The following WDHD1 variants were observed in gnomAD, a reference collection of about 807,000 sequenced individuals.
The protein encoded by WDHD1 is WD repeat and HMG-box DNA binding protein 1.
WDHD1 carries 111 observed loss-of-function variants against 135.4 expected under a neutral mutation model. That is an observed-to-expected ratio of 0.82 (90% CI 0.70 to 0.96). The LOEUF is 0.96. Among genes scored for constraint, WDHD1 ranks in the 40% least tolerant of loss-of-function variants. The probability of loss-of-function intolerance (pLI) is 0.00; values close to 1 mark genes in which losing one functional copy is unlikely to be tolerated. For missense variants in WDHD1, 1,351 were observed against 1,336.3 expected, an observed-to-expected ratio of 1.01 and a Z score of -0.17; for synonymous variants, 434 against 439.0, an observed-to-expected ratio of 0.99 and a Z score of 0.14.
rs199859365 is a variant in WDHD1, at chr14:54,963,047, T to C, written c.2436A>G (p.Leu812=). The C allele has an allele frequency of 1.2e-6, 2 of 1,614,070 alleles. No individual in the cohort carries two copies. Among genetic ancestry groups the C allele is most frequent in the Admixed American group, 3.3e-5 (2 of 60,002 alleles). The part of the protein sequence containing the change: ...RSRKLILAQK[L]SELAVEKAAE... The stretch of plus-strand genomic sequence containing the variant: ...CTGCCTTCTCTACAGCCAGTTCACT[T>C]AGTTTTTGAGCCAGTATTAATTTCC... The change falls in exon 19 of 26, where the codon CTA becomes CTG. Residue 812 remains leucine, a synonymous_variant. Coordinates refer to ENST00000360586, the MANE Select transcript of WDHD1 (RefSeq NM_007086.4).
chr14:54,990,528 G>A (rs909232093), intron 12 of WDHD1, among the ~76,000 whole-genome samples: 8 of 151,564 alleles, frequency 5.3e-5, no homozygotes, highest in African/African-American at 7.3e-5. Flanking sequence ...CCTGGGAGGC[G>A]GAGCTTGCAG....
At chr14:55,026,155 A>G (rs1270446928) in intron 2 of WDHD1, among the ~76,000 whole-genome samples, 2 of 152,134 alleles carry the variant, frequency 1.3e-5, no homozygotes, top group Non-Finnish European at 2.9e-5. Flanking sequence ...ACACACAAGT[A>G]TTTTTTCAAT....
At chr14:54,952,795 G>C (rs980688128) in intron 24 of WDHD1, among the ~76,000 whole-genome samples, 6 of 152,156 alleles carry the variant, frequency 3.9e-5, no homozygotes, top group African/African-American at 1.4e-4. Context: ...CAATGGAACA[G>C]AACAGAGCCC....
chr14:54,960,599 A>C (rs1161604191), intron 21 of WDHD1, among the ~76,000 whole-genome samples: 2 of 150,996 alleles, frequency 1.3e-5, no homozygotes, highest in East Asian at 3.9e-4. Context: ...TCCTGGATTC[A>C]AGCAATTCTC....
At chr14:55,012,779 A>G (rs914679664) in intron 3 of WDHD1, among the ~76,000 whole-genome samples, 11 of 152,166 alleles carry the variant, frequency 7.2e-5, no homozygotes, top group Admixed American at 5.9e-4. Flanking sequence ...TTTATGATGA[A>G]CCCACTCCTG....
intron 16 of WDHD1, among the ~76,000 whole-genome samples, chr14:54,976,313 C>T (rs935340306): frequency 6.6e-6 from 1 of 152,140 alleles, no homozygotes; most frequent in African/African-American, 2.4e-5. Flanking sequence ...CCTTGAACTC[C>T]TGGGTTCAAG....
chr14:54,980,967 C>G (rs2041609305), intron 16 of WDHD1, among the ~76,000 whole-genome samples: 2 of 151,490 alleles, frequency 1.3e-5, no homozygotes, highest in South Asian at 4.2e-4. Flanking sequence ...AAAAATCAGC[C>G]AGGCGTGATG....
intron 21 of WDHD1, among the ~76,000 whole-genome samples, chr14:54,959,119 C>A (rs985670714): frequency 9.2e-5 from 14 of 151,986 alleles, no homozygotes. Context: ...GCCTGTAATC[C>A]CAGCACTTTG....
intron 18 of WDHD1, among the ~76,000 whole-genome samples, chr14:54,963,799 C>CA (rs34281869): frequency 0.049 from 4,086 of 82,670 alleles, 217 homozygotes; most frequent in African/African-American, 0.14. Flanking sequence ...GACTCTGTCT[C>CA]AAAAAAAAAA....
chr14:54,984,751 G>A lies in WDHD1; in HGVS notation c.1878C>T (p.Tyr626=). 2.5e-6 allele frequency: 4 copies of A among 1,613,178 alleles called. No individual in the cohort carries two copies. The highest frequency in any genetic ancestry group is 3.4e-6 in the Non-Finnish European group (4 of 1,179,754). The stretch of plus-strand genomic sequence containing the variant: ...CAGCTGAAAACCCAATCCATGCAAG[G>A]TAGGATTTCCTTGTAAGAGGAAGAG... The part of the protein sequence containing the change: ...GDPLPLTRKS[Y]LAWIGFSAEG... The change falls in exon 15 of 26, where the codon TAC becomes TAT. Residue 626 remains tyrosine (Y), a synonymous_variant. Transcript: ENST00000360586.
chr14:55,002,089 C>A lies in WDHD1; in HGVS notation c.693+4G>T. ...CACTGAAAGTGTCACTTTGTAAAACCTACCTGAGAGATGAAATTATCTGAA... is the reference window on the plus strand; with the variant it reads ...CACTGAAAGTGTCACTTTGTAAAACATACCTGAGAGATGAAATTATCTGAA... On this transcript the variant is annotated splice_donor_region_variant and intron_variant, in intron 8 of 25. Coordinates refer to ENST00000360586, the MANE Select transcript of WDHD1 (RefSeq NM_007086.4). 6.2e-7 allele frequency: 1 copy of A among 1,600,252 alleles called. No homozygotes were observed.
intron 16 of WDHD1, among the ~76,000 whole-genome samples, chr14:54,967,918 A>G (rs1389650561): frequency 6.6e-6 from 1 of 152,054 alleles, no homozygotes; most frequent in African/African-American, 2.4e-5. Context: ...ACCCTGCCCA[A>G]CCTCACATCT....
intron 21 of WDHD1, among the ~76,000 whole-genome samples, chr14:54,961,699 A>C (rs1452307808): frequency 1.3e-5 from 2 of 152,200 alleles, no homozygotes; most frequent in Non-Finnish European, 2.9e-5. Context: ...TTTTTAAATC[A>C]AAGTAACATA....
intron 24 of WDHD1, among the ~76,000 whole-genome samples, chr14:54,954,323 T>A (rs2041115439): frequency 6.6e-6 from 1 of 151,914 alleles, no homozygotes; most frequent in Admixed American, 6.6e-5. Context: ...TCCAGCATAG[T>A]AGAGATCAAG....
At chr14:55,012,296 G>GA (rs2042183615) in intron 3 of WDHD1, among the ~76,000 whole-genome samples, 1 of 151,962 alleles carries the variant, frequency 6.6e-6, no homozygotes, top group South Asian at 2.1e-4. Flanking sequence ...CCTGGGTTTG[G>GA]AAAAAATATG....
chr14:54,955,375 T>G (rs921767576), intron 24 of WDHD1, among the ~76,000 whole-genome samples, 186 bp downstream of exon 24: 28 of 152,188 alleles, frequency 1.8e-4, no homozygotes, highest in African/African-American at 6.3e-4. Context: ...AAAGCATATT[T>G]TAATAAATAT....
intron 25 of WDHD1, 107 bp from the exon 26 acceptor site, chr14:54,941,797 A>T: frequency 1.0e-6 from 1 of 962,084 alleles, no homozygotes; most frequent in Non-Finnish European, 1.5e-6. Context: ...ATAAAGCAGA[A>T]TAATTAGCAC....
At chr14:54,956,160 T>C (rs1202328736) in intron 23 of WDHD1, among the ~76,000 whole-genome samples, 2 of 152,092 alleles carry the variant, frequency 1.3e-5, no homozygotes, top group African/African-American at 2.4e-5. Context: ...CAAATACTTA[T>C]CAGAGTGGAA....
Position 54,981,571 on chromosome 14 carries a change from C to T in WDHD1, c.2032G>A (p.Val678Ile). The change falls in exon 16 of 26, where the codon GTT (valine) becomes ATT (isoleucine). Residue 678 changes from valine (V) to isoleucine (I), a missense_variant. Coordinates refer to ENST00000360586, the MANE Select transcript of WDHD1 (RefSeq NM_007086.4). Reference protein sequence around the residue: ...CKGKSDHYWVVGIHENPQQLR... With the variant: ...CKGKSDHYWVIGIHENPQQLR... ...TGCTGGGGATTTTCATGGATACCAACCACCCAGTAGTGATCAGATTTTCCT... is the reference window on the plus strand; with the variant it reads ...TGCTGGGGATTTTCATGGATACCAATCACCCAGTAGTGATCAGATTTTCCT... 7 of 1,610,470 alleles carry T rather than the reference C, an allele frequency of 4.3e-6. No individual in the cohort carries two copies. Among genetic ancestry groups the T allele is most frequent in the Non-Finnish European group, 5.9e-6 (7 of 1,178,816 alleles).
Sources: gnomAD v4.1 joint callset for allele counts (sites outside exome capture counted in the v4.1 genomes callset) on GRCh38, gnomAD v4.1.1 for gene constraint, MANE v1.5 for transcripts, NCBI Gene and HGNC (gene_info 2026-07-23, HGNC 2026-07-21) for gene names.